Variants in DPP10 observed in about 807,000 individuals in gnomAD.
DPP10 encodes the protein dipeptidyl peptidase like 10.
DPP10 carries 33 observed loss-of-function variants against 120.9 expected under a neutral mutation model. That is an observed-to-expected ratio of 0.27 (90% CI 0.21 to 0.37). DPP10 has a LOEUF of 0.37. Ranked by LOEUF, DPP10 falls within the 10% of genes least tolerant of loss-of-function variation. DPP10 has a pLI of 1.00. For missense variants in DPP10, 816 were observed against 942.8 expected, an observed-to-expected ratio of 0.87 and a Z score of 1.76; for synonymous variants, 337 against 326.1, an observed-to-expected ratio of 1.03 and a Z score of -0.36.
At chr2:114,659,175 C>G (rs1379449340) in intron 1 of DPP10, among the ~76,000 whole-genome samples, 2 of 152,108 alleles carry the variant, frequency 1.3e-5, no homozygotes, top group East Asian at 3.9e-4. Context: ...CATAAATTAC[C>G]CAGTCTCAGG....
At chr2:114,768,981 C>T (rs1680996968) in intron 1 of DPP10, among the ~76,000 whole-genome samples, 2 of 152,020 alleles carry the variant, frequency 1.3e-5, no homozygotes, top group South Asian at 4.1e-4. Context: ...CATTTATTCC[C>T]AAGGGCAATG....
chr2:115,558,462 A>G (rs2080357447), intron 5 of DPP10, among the ~76,000 whole-genome samples: 1 of 152,172 alleles, frequency 6.6e-6, no homozygotes, highest in African/African-American at 2.4e-5. Context: ...AGTACATTTC[A>G]GCGTTTGCTA....
At chr2:115,490,388 C>T (rs1250947781) in intron 3 of DPP10, among the ~76,000 whole-genome samples, 1 of 150,210 alleles carries the variant, frequency 6.7e-6, no homozygotes, top group African/African-American at 2.4e-5. Context: ...TGGGGGAAAC[C>T]ACCCCCATGA....
At chr2:115,255,229 C>T (rs2058931772) in intron 1 of DPP10, among the ~76,000 whole-genome samples, 1 of 152,226 alleles carries the variant, frequency 6.6e-6, no homozygotes, top group Non-Finnish European at 1.5e-5. Flanking sequence ...CATGTGGAAG[C>T]TCTCAAGGCT....
chr2:115,195,602 A>AT lies in DPP10; in HGVS notation c.61-113630dup, dbSNP rs571158760. Reference sequence around the variant, plus strand: ...ATATGTACCCAGAAATTATTATTACATTTTTTTGTAATTTACAGAAATTAT... The same window carrying AT: ...ATATGTACCCAGAAATTATTATTACATTTTTTTTGTAATTTACAGAAATTAT... On this transcript the variant is annotated intron_variant, in intron 1 of 25. Coordinates refer to ENST00000410059, the MANE Select transcript of DPP10 (RefSeq NM_020868.6). 1.5e-3 allele frequency among the ~76,000 whole-genome samples: 229 copies of AT among 152,240 alleles called. 1 individual carries two copies. The highest frequency in any genetic ancestry group is 5.2e-3 in the African/African-American group (217 of 41,522).
chr2:114,833,549 A>G (rs559972441), intron 1 of DPP10: 1 of 152,334 alleles, frequency 6.6e-6, no homozygotes, highest in East Asian at 1.9e-4. Flanking sequence ...TGGAACGTAT[A>G]GTGCTAACAG....
intron 1 of DPP10, among the ~76,000 whole-genome samples, chr2:114,911,528 G>A (rs1694369235): frequency 6.6e-6 from 1 of 152,148 alleles, no homozygotes; most frequent in Admixed American, 6.5e-5. Context: ...TATCATCATG[G>A]AGAATAGAAA....
At chr2:115,636,809 A>G (rs1032421020) in intron 5 of DPP10, among the ~76,000 whole-genome samples, 4 of 152,224 alleles carry the variant, frequency 2.6e-5, no homozygotes, top group African/African-American at 7.2e-5. Flanking sequence ...ATGGTGGATA[A>G]ATAACTTAAA....
intron 1 of DPP10, among the ~76,000 whole-genome samples, chr2:114,692,441 T>G (rs1022486840): frequency 6.6e-6 from 1 of 152,082 alleles, no homozygotes; most frequent in Non-Finnish European, 1.5e-5. Flanking sequence ...TGCTGCTGTC[T>G]AAGAGACTGT....
chr2:115,838,984 A>G (rs1689812676), intron 24 of DPP10, among the ~76,000 whole-genome samples: 2 of 152,236 alleles, frequency 1.3e-5, no homozygotes, highest in African/African-American at 4.8e-5. Context: ...AAACAGACAA[A>G]TAGCAACAAA....
At position 114,860,243 on chromosome 2, in the gene DPP10, T is replaced by C. The variant is rs906150413; in HGVS notation, c.60+417405T>C. Among the ~76,000 whole-genome samples, 19 of 152,326 alleles carry C rather than the reference T, an allele frequency of 1.2e-4. No homozygotes were observed. In the East Asian group the frequency reaches 3.1e-3, roughly 25 times the overall value. Reference sequence around the variant, plus strand: ...ACTTTCCCTGCTCTAACATGGAATTTTCACATTAAATATAACACCACTACT... The same window carrying C: ...ACTTTCCCTGCTCTAACATGGAATTCTCACATTAAATATAACACCACTACT... On this transcript the variant is annotated intron_variant, in intron 1 of 25. Coordinates refer to ENST00000410059, the MANE Select transcript of DPP10 (RefSeq NM_020868.6).
At chr2:114,732,801 C>T (rs1319228694) in intron 1 of DPP10, among the ~76,000 whole-genome samples, 1 of 152,084 alleles carries the variant, frequency 6.6e-6, no homozygotes. Flanking sequence ...TGCATGTTCT[C>T]ATTTAATTTT....
chr2:115,197,898 T>A (rs2055402342), intron 1 of DPP10, among the ~76,000 whole-genome samples: 1 of 152,214 alleles, frequency 6.6e-6, no homozygotes, highest in Non-Finnish European at 1.5e-5. Context: ...TACCAACTTT[T>A]GTAGTACTCC....
At chr2:115,755,652 T>C (rs1679297779) in intron 11 of DPP10, among the ~76,000 whole-genome samples, 1 of 151,960 alleles carries the variant, frequency 6.6e-6, no homozygotes. Context: ...CAAAAAGAAA[T>C]GTAAATTGGT....
chr2:114,735,738 A>G (rs538924942), intron 1 of DPP10, among the ~76,000 whole-genome samples: 2 of 152,164 alleles, frequency 1.3e-5, no homozygotes, highest in Non-Finnish European at 2.9e-5. Context: ...TGGCTTTCTG[A>G]AAAAGAAGCA....
chr2:115,617,151 A>G (rs1278477344), intron 5 of DPP10, among the ~76,000 whole-genome samples: 5 of 149,780 alleles, frequency 3.3e-5, no homozygotes, highest in Admixed American at 2.0e-4. Flanking sequence ...TACTAGTTTC[A>G]TGAGGCTTAT....
rs145142788 is a variant in DPP10, at chr2:115,253,515, A to G, written c.61-55724A>G. On this transcript the variant is annotated intron_variant, in intron 1 of 25. Coordinates refer to ENST00000410059, the MANE Select transcript of DPP10 (RefSeq NM_020868.6). The stretch of plus-strand genomic sequence containing the variant: ...CCTATGAGCCTGCAAATTCAAAGCA[A>G]TTTATTTACTTCCAAGATGAAAGGT... Among the ~76,000 whole-genome samples, 1,450 of 152,244 alleles carry G rather than the reference A, an allele frequency of 9.5e-3. 25 individuals are homozygous for G. The highest frequency in any genetic ancestry group is 0.032 in the African/African-American group (1,340 of 41,540).
rs565441935 is a variant in DPP10 at position 114,859,633 on chromosome 2, C to T, written c.60+416795C>T. Among the ~76,000 whole-genome samples the T allele has an allele frequency of 1.2e-4, 18 of 152,270 alleles. No homozygotes were observed. The South Asian group carries it at 2.5e-3, about 21-fold the overall frequency. ...TTTCTAAAATCAGTGCCAAACGTTT[C>T]TCCCACAGTACACAAATATGCATCT... On this transcript the variant is annotated intron_variant, in intron 1 of 25. Coordinates refer to ENST00000410059, the MANE Select transcript of DPP10 (RefSeq NM_020868.6).
At chr2:114,674,759 G>A (rs10200626) in intron 1 of DPP10, among the ~76,000 whole-genome samples, 7,319 of 152,244 alleles carry the variant, frequency 0.048, 200 homozygotes, top group Middle Eastern at 0.068. Flanking sequence ...AATCTTCAGA[G>A]GGTCGTTGAT....
Sources: allele counts gnomAD v4.1 joint callset (sites outside exome capture counted in the v4.1 genomes callset), GRCh38; gene constraint gnomAD v4.1.1; transcripts MANE v1.5; gene names NCBI Gene and HGNC (gene_info 2026-07-23, HGNC 2026-07-21).